Variants in CSAG2 observed in about 807,000 individuals in gnomAD.
CSAG2 encodes the protein CSAG family member 2.
In CSAG2 at chrX:152,708,549, G is replaced by GT; in HGVS notation, c.*21dup. ...AGTGTTGGCCCACTCCATTCCTCAG[G>GT]TTTTTTTGAAGCGGCGGTCTTTTAG... On this transcript the variant is annotated 3_prime_UTR_variant, in exon 2 of 2. Coordinates refer to ENST00000638741, the Ensembl canonical transcript of CSAG2. 4.4e-6 allele frequency: 2 copies of GT among 450,813 alleles called. 1 individual carries two copies. The highest frequency in any genetic ancestry group is 6.0e-6 in the Non-Finnish European group (2 of 334,964). The allele number at this position is 450,813 out of a possible 1,213,427, so 37.2% of individuals were successfully genotyped here. A position where few individuals can be genotyped will look rare whatever the true frequency, so the allele number is the denominator to read the frequency against.
intron 1 of CSAG2, 51 bp from the exon 2 acceptor site, chrX:152,708,691 T>C: frequency 4.7e-6 from 2 of 426,631 alleles, no homozygotes; most frequent in Non-Finnish European, 6.2e-6. Flanking sequence ...GGGAAGAGGA[T>C]GGAGGAGGGG....
At chrX:152,709,304 T>C (rs1931895706), upstream of CSAG2, 1 of 84,432 alleles carries the variant, frequency 1.2e-5, no homozygotes, top group Non-Finnish European at 1.9e-5. Flanking sequence ...CAAAATGAAC[T>C]ACAGACTTTA....
Sources: allele counts gnomAD v4.1 joint callset, GRCh38; gene constraint gnomAD v4.1.1; transcripts MANE v1.5; gene names NCBI Gene and HGNC (gene_info 2026-07-23, HGNC 2026-07-21).